CDKAL1: variants seen among roughly 807,000 people sequenced by gnomAD.
CDKAL1 encodes the protein threonylcarbamoyladenosine tRNA methylthiotransferase.
A neutral mutation model predicts 68.2 loss-of-function variants in CDKAL1; 32 were observed. That is an observed-to-expected ratio of 0.47 (90% CI 0.35 to 0.63). CDKAL1 has a LOEUF of 0.63. Ranked by LOEUF, CDKAL1 falls within the 30% of genes least tolerant of loss-of-function variation. The probability of loss-of-function intolerance (pLI) is 0.00; values close to 1 mark genes in which losing one functional copy is unlikely to be tolerated. For missense variants in CDKAL1, 606 were observed against 696.7 expected (o/e 0.87, Z 1.47); for synonymous variants, 234 against 244.3 (o/e 0.96, Z 0.39).
intron 13 of CDKAL1, among the ~76,000 whole-genome samples, chr6:21,190,799 C>T (rs1778206607): frequency 6.6e-6 from 1 of 152,206 alleles, no homozygotes; most frequent in African/African-American, 2.4e-5. Context: ...CTATCTTACA[C>T]AGGTCCATAT....
chr6:20,839,111 T>G (rs1778074837), intron 8 of CDKAL1, among the ~76,000 whole-genome samples: 1 of 152,160 alleles, frequency 6.6e-6, no homozygotes, highest in African/African-American at 2.4e-5. Context: ...TCTTGCTTTT[T>G]TTTTCCCCCT....
intron 8 of CDKAL1, among the ~76,000 whole-genome samples, chr6:20,785,468 A>G (rs1775632407): frequency 6.6e-6 from 1 of 151,956 alleles, no homozygotes; most frequent in Admixed American, 6.6e-5. Flanking sequence ...GGCACACGCC[A>G]CCACACCCGG....
At chr6:21,001,146 G>A (rs1005882964) in intron 11 of CDKAL1, among the ~76,000 whole-genome samples, 1 of 152,092 alleles carries the variant, frequency 6.6e-6, no homozygotes, top group African/African-American at 2.4e-5. Flanking sequence ...ATTTGTCTTG[G>A]CGTATTTGTG....
chr6:21,013,119 C>T (rs1025728120), intron 11 of CDKAL1, among the ~76,000 whole-genome samples: 8 of 152,174 alleles, frequency 5.3e-5, no homozygotes, highest in Non-Finnish European at 8.8e-5. Context: ...AAACTCAGCT[C>T]ATGTATGATG....
chr6:21,063,776 T>G (rs1177493135), intron 11 of CDKAL1, among the ~76,000 whole-genome samples: 1 of 151,822 alleles, frequency 6.6e-6, no homozygotes, highest in Non-Finnish European at 1.5e-5. Flanking sequence ...TTCCAGAAAA[T>G]AAAAGGGCAG....
At chr6:21,218,876 C>T (rs993999265) in intron 15 of CDKAL1, among the ~76,000 whole-genome samples, 32 of 152,082 alleles carry the variant, frequency 2.1e-4, no homozygotes, top group African/African-American at 6.8e-4. Context: ...TACCAGGAGG[C>T]GAGGCTCACT....
At chr6:21,018,687 C>A (rs1197899725) in intron 11 of CDKAL1, among the ~76,000 whole-genome samples, 1 of 152,034 alleles carries the variant, frequency 6.6e-6, no homozygotes, top group Non-Finnish European at 1.5e-5. Flanking sequence ...TCAGAATAAA[C>A]CTTTATTGGC....
intron 15 of CDKAL1, among the ~76,000 whole-genome samples, chr6:21,223,935 CG>C (rs1779631127): frequency 6.6e-6 from 1 of 152,198 alleles, no homozygotes; most frequent in Admixed American, 6.5e-5. Context: ...GGAAACTTCA[CG>C]GTCAGCCAGC....
chr6:21,079,907 T>C (rs1304985653), intron 12 of CDKAL1, among the ~76,000 whole-genome samples: 1 of 151,956 alleles, frequency 6.6e-6, no homozygotes, highest in Admixed American at 6.6e-5. Context: ...TTTTTTCTTG[T>C]GGCCTCTTTA....
chr6:20,973,481 G>C (rs948782923), intron 10 of CDKAL1, among the ~76,000 whole-genome samples: 14 of 152,088 alleles, frequency 9.2e-5, no homozygotes, highest in African/African-American at 3.4e-4. Context: ...GGAGGGAAAG[G>C]TGGCTCTCAG....
chr6:20,647,767 T>C (rs906819348), intron 4 of CDKAL1, among the ~76,000 whole-genome samples: 2 of 152,140 alleles, frequency 1.3e-5, no homozygotes, highest in Admixed American at 1.3e-4. Context: ...TTATGTTTTA[T>C]ATAAGGCACT....
At chr6:20,767,634 AT>A (rs1774758038) in intron 7 of CDKAL1, among the ~76,000 whole-genome samples, 1 of 152,180 alleles carries the variant, frequency 6.6e-6, no homozygotes, top group Non-Finnish European at 1.5e-5. Context: ...GGAATAATTA[AT>A]TAGGTGTAGG....
At chr6:20,796,794 A>T (rs1185011758) in intron 8 of CDKAL1, among the ~76,000 whole-genome samples, 6 of 152,230 alleles carry the variant, frequency 3.9e-5, no homozygotes. Flanking sequence ...TGGAAAAAGA[A>T]CAAAACTTTG....
At chr6:20,977,005 G>A in intron 10 of CDKAL1, among the ~76,000 whole-genome samples, 1 of 152,104 alleles carries the variant, frequency 6.6e-6, no homozygotes, top group East Asian at 1.9e-4. Flanking sequence ...CATTTCTCTT[G>A]AATATTCCTG....
intron 8 of CDKAL1, among the ~76,000 whole-genome samples, chr6:20,845,210 G>A (rs1304416471): frequency 6.6e-6 from 1 of 152,012 alleles, no homozygotes; most frequent in Non-Finnish European, 1.5e-5. Flanking sequence ...TTAAAGCCTT[G>A]CTACTCATTA....
intron 9 of CDKAL1, among the ~76,000 whole-genome samples, chr6:20,951,263 A>G (rs759536997): frequency 6.6e-6 from 1 of 152,244 alleles, no homozygotes; most frequent in African/African-American, 2.4e-5. Flanking sequence ...TTGACTAGAT[A>G]AAATCAGTCT....
intron 15 of CDKAL1, among the ~76,000 whole-genome samples, chr6:21,204,257 G>T (rs1582411704): frequency 6.6e-6 from 1 of 152,214 alleles, no homozygotes; most frequent in South Asian, 2.1e-4. Context: ...AAAGTAGAGA[G>T]AATAGTATAA....
At chr6:20,965,952 G>A (rs912762520) in intron 10 of CDKAL1, among the ~76,000 whole-genome samples, 1 of 152,142 alleles carries the variant, frequency 6.6e-6, no homozygotes, top group South Asian at 2.1e-4. Flanking sequence ...TCTATTCTAC[G>A]ATCCTCTCGG....
At chr6:20,810,627 G>GGT (rs57000695) in intron 8 of CDKAL1, among the ~76,000 whole-genome samples, 16,200 of 134,382 alleles carry the variant, frequency 0.12, 1,081 homozygotes, top group East Asian at 0.22. Context: ...TGTATGTATG[G>GGT]GTGTGTGTGT....
Sources: gnomAD v4.1 joint callset for allele counts (sites outside exome capture counted in the v4.1 genomes callset) on GRCh38, gnomAD v4.1.1 for gene constraint, MANE v1.5 for transcripts, NCBI Gene and HGNC (gene_info 2026-07-23, HGNC 2026-07-21) for gene names.